The following RFC3 variants were observed in gnomAD, a reference collection of about 807,000 sequenced individuals.
RFC3 encodes replication factor C subunit 3, also known as A1 38 kDa subunit.
In RFC3, 41 loss-of-function variants were observed where a neutral mutation model predicts 45.1. That is an observed-to-expected ratio of 0.91 (90% CI 0.71 to 1.18). RFC3 has a LOEUF of 1.18. RFC3 is among the 50% of genes most tolerant of loss of function. The probability of loss-of-function intolerance (pLI) is 0.00; values close to 1 mark genes in which losing one functional copy is unlikely to be tolerated. For missense variants in RFC3, 423 were observed against 428.1 expected, an observed-to-expected ratio of 0.99 and a Z score of 0.10; for synonymous variants, 149 against 144.0, an observed-to-expected ratio of 1.03 and a Z score of -0.25.
At chr13:33,821,784 T>C (rs536134741) in intron 2 of RFC3, among the ~76,000 whole-genome samples, 2 of 152,360 alleles carry the variant, frequency 1.3e-5, no homozygotes, top group Admixed American at 6.5e-5. Flanking sequence ...TCTTATGCTC[T>C]TCCATTATGG....
At chr13:33,904,942 G>GA (rs1555239852) in intron 8 of RFC3, among the ~76,000 whole-genome samples, 6 of 152,016 alleles carry the variant, frequency 3.9e-5, no homozygotes, top group Non-Finnish European at 8.8e-5. Flanking sequence ...TACGCATTTA[G>GA]CAAAACTGTA....
At position 33,912,709 on chromosome 13, in the gene RFC3, G is replaced by T. The variant is rs117651653; in HGVS notation, c.880-53378G>T. ...AAAGTTAATTCTATGAACGCTGTGG[G>T]ATCATACAGTATTTATGCAGGGGAG... On this transcript the variant is annotated intron_variant, in intron 8 of 8. Coordinates refer to the RFC3 transcript ENST00000434425. Among the ~76,000 whole-genome samples the T allele has an allele frequency of 5.5e-4, 83 of 152,222 alleles. 1 individual carries two copies. In the East Asian group the frequency reaches 0.016, roughly 29 times the overall value.
At chr13:33,870,899 A>G (rs1181792834) in intron 8 of RFC3, among the ~76,000 whole-genome samples, 1 of 152,216 alleles carries the variant, frequency 6.6e-6, no homozygotes, top group Non-Finnish European at 1.5e-5. Flanking sequence ...TAATAGGCGA[A>G]GGAGAATATA....
At chr13:33,925,816 C>T (rs2082808464) in intron 8 of RFC3, among the ~76,000 whole-genome samples, 1 of 151,896 alleles carries the variant, frequency 6.6e-6, no homozygotes, top group African/African-American at 2.4e-5. Flanking sequence ...CCAACCACCA[C>T]CACATATCTC....
At chr13:33,926,708 A>G (rs1255991449) in intron 8 of RFC3, among the ~76,000 whole-genome samples, 2 of 151,668 alleles carry the variant, frequency 1.3e-5, no homozygotes, top group African/African-American at 4.8e-5. Flanking sequence ...TATGAAAGAA[A>G]TAAAGTTACT....
intron 8 of RFC3, among the ~76,000 whole-genome samples, chr13:33,872,295 G>A (rs553463695): frequency 2.2e-4 from 33 of 152,308 alleles, no homozygotes; most frequent in Non-Finnish European, 4.3e-4. Context: ...GTTCAGACAC[G>A]TCTGTGCTAT....
chr13:33,966,022 A>T, intron 8 of RFC3: 1 of 1,162,808 alleles, frequency 8.6e-7, no homozygotes, highest in Admixed American at 1.7e-5. Flanking sequence ...TGTATCCTCT[A>T]TGGAATCTCA....
intron 8 of RFC3, among the ~76,000 whole-genome samples, chr13:33,936,051 G>A (rs778032514): frequency 1.3e-5 from 2 of 152,172 alleles, no homozygotes; most frequent in African/African-American, 2.4e-5. Context: ...TATGACAGGT[G>A]CAGTGTGTGC....
intron 8 of RFC3, among the ~76,000 whole-genome samples, chr13:33,941,953 T>C (rs1246931527): frequency 2.0e-5 from 3 of 152,144 alleles, no homozygotes; most frequent in Non-Finnish European, 4.4e-5. Context: ...ATCCTTTAAT[T>C]TGCATATTTT....
chr13:33,895,730 T>C (rs1046583605), intron 8 of RFC3, among the ~76,000 whole-genome samples: 4 of 152,134 alleles, frequency 2.6e-5, no homozygotes, highest in African/African-American at 9.7e-5. Context: ...GCACAATTCA[T>C]AATTGCAAAG....
intron 8 of RFC3, among the ~76,000 whole-genome samples, chr13:33,899,204 CAAAAAAAAAA>C (rs59221382): frequency 5.8e-5 from 3 of 51,968 alleles, no homozygotes; most frequent in Admixed American, 3.0e-4. Context: ...CACAATAAGA[CAAAAAAAAAA>C]AAAAAAAAAA....
At chr13:33,874,981 TCC>T (rs1372042903) in intron 8 of RFC3, among the ~76,000 whole-genome samples, 2 of 152,222 alleles carry the variant, frequency 1.3e-5, no homozygotes, top group Non-Finnish European at 1.5e-5. Flanking sequence ...ATCTTGAAAG[TCC>T]ACCTGTGCTT....
intron 8 of RFC3, among the ~76,000 whole-genome samples, chr13:33,925,108 CAT>C (rs112868662): frequency 1.4e-5 from 2 of 147,914 alleles, no homozygotes; most frequent in Admixed American, 1.3e-4. Flanking sequence ...TATATACACG[CAT>C]ATATAGTGTA....
intron 8 of RFC3, among the ~76,000 whole-genome samples, chr13:33,951,702 C>A (rs1348552935): frequency 6.6e-6 from 1 of 152,156 alleles, no homozygotes; most frequent in South Asian, 2.1e-4. Flanking sequence ...GAACTACTGG[C>A]AAATCTCTAT....
chr13:33,972,275 C>A, the RFC3 span, among the ~76,000 whole-genome samples: 2 of 152,110 alleles, frequency 1.3e-5, no homozygotes, highest in African/African-American at 4.8e-5. Context: ...ACAGCCCCTT[C>A]TTGGGGTCTA....
chr13:33,852,724 G>A (rs2082284286), intron 8 of RFC3, among the ~76,000 whole-genome samples: 1 of 152,140 alleles, frequency 6.6e-6, no homozygotes, highest in African/African-American at 2.4e-5. Context: ...CTTATTTTAG[G>A]TCAAACTGAT....
chr13:33,849,658 G>T (rs1407161224), intron 8 of RFC3: 1 of 152,064 alleles, frequency 6.6e-6, no homozygotes, highest in Non-Finnish European at 1.5e-5. Flanking sequence ...TGGCAGATCA[G>T]TTGAGGTAAG....
At chr13:33,899,319 A>C (rs2082623945) in intron 8 of RFC3, among the ~76,000 whole-genome samples, 1 of 151,846 alleles carries the variant, frequency 6.6e-6, no homozygotes, top group South Asian at 2.1e-4. Flanking sequence ...GCAATACATT[A>C]ATAAGATCAT....
intron 8 of RFC3, chr13:33,848,232 A>G (rs1376734274): frequency 6.6e-6 from 1 of 152,068 alleles, no homozygotes; most frequent in Non-Finnish European, 1.5e-5. Flanking sequence ...TCCTTTCTCG[A>G]TGTCATCTTT....
Sources: allele counts gnomAD v4.1 joint callset (sites outside exome capture counted in the v4.1 genomes callset), GRCh38; gene constraint gnomAD v4.1.1; transcripts MANE v1.5; gene names NCBI Gene and HGNC (gene_info 2026-07-23, HGNC 2026-07-21).